ADCY2: variants seen among roughly 807,000 people sequenced by gnomAD.
ADCY2 encodes adenylate cyclase 2, also known as adenylate cyclase type 2.
A neutral mutation model predicts 125.2 loss-of-function variants in ADCY2; 31 were observed. The observed-to-expected ratio is 0.25, with a 90% CI of 0.19 to 0.33. ADCY2 has a LOEUF of 0.33. ADCY2 is among the 10% of genes least tolerant of loss of function. The pLI is 1.00. For synonymous variants in ADCY2, 512 were observed against 548.4 expected, an observed-to-expected ratio of 0.93 and a Z score of 0.93; for missense variants, 904 against 1,418.2, an observed-to-expected ratio of 0.64 and a Z score of 5.82.
At chr5:7,631,616 G>GT (rs1416985887) in intron 4 of ADCY2, among the ~76,000 whole-genome samples, 1 of 152,204 alleles carries the variant, frequency 6.6e-6, no homozygotes, top group Non-Finnish European at 1.5e-5. Flanking sequence ...ATCCAAAATG[G>GT]TATCCTGCTA....
intron 2 of ADCY2, among the ~76,000 whole-genome samples, chr5:7,502,895 A>C (rs1469597797): frequency 6.6e-6 from 1 of 152,114 alleles, no homozygotes; most frequent in African/African-American, 2.4e-5. Flanking sequence ...GCCTCTCCCT[A>C]GAAAGTTCTT....
chr5:7,762,623 A>G (rs1262143053), intron 16 of ADCY2, among the ~76,000 whole-genome samples: 1 of 152,252 alleles, frequency 6.6e-6, no homozygotes, highest in Non-Finnish European at 1.5e-5. Context: ...ATGCAGTTCA[A>G]TGGTCCCAGG....
Position 7,534,910 on chromosome 5 carries a change from T to A in ADCY2, c.570+14011T>A, listed in dbSNP as rs376446062. Among the ~76,000 whole-genome samples the A allele has an allele frequency of 6.6e-5, 10 of 152,342 alleles. No homozygotes were observed. In the East Asian group the frequency reaches 9.6e-4, roughly 15 times the overall value. On this transcript the variant is annotated intron_variant, in intron 3 of 24. Transcript: ENST00000338316. Reference sequence around the variant, plus strand: ...TTATTATTAGTTTCTACAGGACCCCTCGTATCATAGTCATATCATATTTCA... The same window carrying A: ...TTATTATTAGTTTCTACAGGACCCCACGTATCATAGTCATATCATATTTCA...
Position 7,618,385 on chromosome 5 carries a change from T to C in ADCY2, c.571-7782T>C, listed in dbSNP as rs150845147. Among the ~76,000 whole-genome samples, 55 of 152,316 alleles carry C rather than the reference T, an allele frequency of 3.6e-4. No homozygotes were observed. The East Asian group carries it at 8.1e-3, about 22-fold the overall frequency. On this transcript the variant is annotated intron_variant, in intron 3 of 24. Coordinates refer to ENST00000338316, the MANE Select transcript of ADCY2 (RefSeq NM_020546.3). ...GGCTATAGGTAGGTCACAATGCCAG[T>C]TGAAAATGTGATAGCAATGCAACCT...
intron 5 of ADCY2, among the ~76,000 whole-genome samples, chr5:7,693,619 C>T (rs549281860): frequency 1.2e-4 from 19 of 152,094 alleles, no homozygotes; most frequent in East Asian, 7.7e-4. Context: ...GATGGGGGTT[C>T]GCCATGTTGG....
chr5:7,420,430 T>G (rs897087110), intron 2 of ADCY2, among the ~76,000 whole-genome samples: 1 of 151,894 alleles, frequency 6.6e-6, no homozygotes, highest in African/African-American at 2.4e-5. Context: ...TGGGTGTGGG[T>G]CAACAACCTG....
At chr5:7,486,116 G>A (rs1038614022) in intron 2 of ADCY2, among the ~76,000 whole-genome samples, 1 of 152,122 alleles carries the variant, frequency 6.6e-6, no homozygotes, top group Non-Finnish European at 1.5e-5. Context: ...TGAGTTCCTG[G>A]GGAAACTTTG....
At chr5:7,649,171 C>G (rs1387076910) in intron 4 of ADCY2, among the ~76,000 whole-genome samples, 4 of 152,288 alleles carry the variant, frequency 2.6e-5, no homozygotes, top group Non-Finnish European at 5.9e-5. Context: ...TAAAATGCTT[C>G]CCTTTATCTC....
intron 3 of ADCY2, among the ~76,000 whole-genome samples, chr5:7,566,047 C>A (rs1735883055): frequency 6.6e-6 from 1 of 152,170 alleles, no homozygotes; most frequent in Admixed American, 6.5e-5. Flanking sequence ...AAGGATTTTT[C>A]TCTTGGAGCA....
chr5:7,527,371 A>C (rs1182049429), intron 3 of ADCY2, among the ~76,000 whole-genome samples: 3 of 152,246 alleles, frequency 2.0e-5, no homozygotes, highest in African/African-American at 7.2e-5. Context: ...TTGGCATAAT[A>C]ATGAGCCAAC....
intron 12 of ADCY2, 114 bp from the exon 13 acceptor site, chr5:7,724,431 C>G: frequency 1.7e-5 from 11 of 654,086 alleles, no homozygotes; most frequent in Non-Finnish European, 2.1e-5. Flanking sequence ...TTTTTAAATG[C>G]TGTTCGGAAT....
chr5:7,519,089 C>T (rs956501559), intron 2 of ADCY2, among the ~76,000 whole-genome samples: 1 of 152,286 alleles, frequency 6.6e-6, no homozygotes, highest in South Asian at 2.1e-4. Flanking sequence ...TATTTTTAGG[C>T]TATGTCTCCT....
Position 7,463,552 on chromosome 5 carries a change from G to C in ADCY2, c.408+48782G>C, listed in dbSNP as rs192328017. 4.4e-3 allele frequency among the ~76,000 whole-genome samples: 660 copies of C among 148,724 alleles called. 4 individuals carry two copies. The highest frequency in any genetic ancestry group is 0.015 in the African/African-American group (614 of 40,184). On this transcript the variant is annotated intron_variant, in intron 2 of 24. Coordinates refer to ENST00000338316, the MANE Select transcript of ADCY2 (RefSeq NM_020546.3). ...TTCCAAAGCTCAGATTTTTCTACTT[G>C]AAGCTGTACTGTTGTTTCTCATTCA... is the stretch of plus-strand genomic sequence containing the variant.
At chr5:7,545,573 G>T (rs1215651052) in intron 3 of ADCY2, among the ~76,000 whole-genome samples, 2 of 152,068 alleles carry the variant, frequency 1.3e-5, no homozygotes, top group African/African-American at 4.8e-5. Context: ...AGACCTATCT[G>T]CCCCCGCCCC....
intron 10 of ADCY2, 56 bp from the exon 11 acceptor site, chr5:7,712,800 G>A: frequency 8.3e-7 from 1 of 1,210,598 alleles, no homozygotes; most frequent in Non-Finnish European, 1.2e-6. Flanking sequence ...AATTATCATT[G>A]CAACATTCTT....
In ADCY2 at chr5:7,829,091, T is replaced by C. The variant is rs191289925; in HGVS notation, c.*2220T>C. On this transcript the variant is annotated 3_prime_UTR_variant, in exon 25 of 25. Transcript: ENST00000338316. ...AATCCACTATGGGAAGCTCTGTGTGTACCTGGTCCCTTCTAGGTGTGGTCC... is the reference window on the plus strand; with the variant it reads ...AATCCACTATGGGAAGCTCTGTGTGCACCTGGTCCCTTCTAGGTGTGGTCC... 40 of 152,498 alleles carry C rather than the reference T, an allele frequency of 2.6e-4. No individual in the cohort carries two copies. The highest frequency in any genetic ancestry group is 8.2e-4 in the African/African-American group (34 of 41,592). 9.4% of individuals were successfully genotyped at this position (152,498 alleles called of 1,614,324 possible). A position where few individuals can be genotyped will look rare whatever the true frequency, so the allele number is the denominator to read the frequency against.
intron 4 of ADCY2, among the ~76,000 whole-genome samples, chr5:7,662,863 C>T (rs1484773654): frequency 6.6e-6 from 1 of 152,214 alleles, no homozygotes; most frequent in Non-Finnish European, 1.5e-5. Context: ...TGCTCAGAAG[C>T]AGGTCCAATC....
At chr5:7,566,933 T>C (rs1431078991) in intron 3 of ADCY2, among the ~76,000 whole-genome samples, 1 of 152,192 alleles carries the variant, frequency 6.6e-6, no homozygotes, top group Non-Finnish European at 1.5e-5. Context: ...CAAGTCTGTC[T>C]TGACCAGTTT....
At chr5:7,450,944 C>T (rs956053216) in intron 2 of ADCY2, among the ~76,000 whole-genome samples, 5 of 152,036 alleles carry the variant, frequency 3.3e-5, no homozygotes, top group African/African-American at 1.2e-4. Flanking sequence ...ATATTTTAAG[C>T]CTACTGTTGA....
Sources: allele counts gnomAD v4.1 joint callset (sites outside exome capture counted in the v4.1 genomes callset), GRCh38; gene constraint gnomAD v4.1.1; transcripts MANE v1.5; gene names NCBI Gene and HGNC (gene_info 2026-07-23, HGNC 2026-07-21).